DDRGK1: variants seen among roughly 807,000 people sequenced by gnomAD.
The protein encoded by DDRGK1 is DDRGK domain containing 1, also known as DDRGK domain-containing protein 1.
DDRGK1 carries 38 observed loss-of-function variants against 45.8 expected under a neutral mutation model. That is an observed-to-expected ratio of 0.83 (90% CI 0.64 to 1.09). DDRGK1 has a LOEUF of 1.09. DDRGK1 is among the 50% of genes least tolerant of loss of function. The pLI is 0.00. For synonymous variants in DDRGK1, 171 were observed against 168.7 expected, an observed-to-expected ratio of 1.01 and a Z score of -0.11; for missense variants, 403 against 419.9, an observed-to-expected ratio of 0.96 and a Z score of 0.35.
At chr20:3,201,215 C>T (rs1192622396) in intron 2 of DDRGK1, among the ~76,000 whole-genome samples, 3 of 147,964 alleles carry the variant, frequency 2.0e-5, no homozygotes, top group Non-Finnish European at 4.4e-5. Flanking sequence ...ACCCAGGAGG[C>T]GGAACTTGCA....
Position 3,204,499 on chromosome 20 carries a change from C to G in DDRGK1, c.91+38G>C, listed in dbSNP as rs558742654. 24 of 1,535,774 alleles carry G rather than the reference C, an allele frequency of 1.6e-5. No homozygotes were observed. In the African/African-American group the frequency reaches 3.0e-4, roughly 19 times the overall value. On this transcript the variant is annotated intron_variant, in intron 1 of 8. Transcript: ENST00000354488. ...CACAAAGGCTCAGAAGGCCAGAAAA[C>G]CCGGTACCACCAACCCTGGTGCAGC...
chr20:3,192,930 C>T (rs560019008), intron 6 of DDRGK1, among the ~76,000 whole-genome samples: 3 of 152,294 alleles, frequency 2.0e-5, no homozygotes, highest in South Asian at 2.1e-4. Context: ...GACAAAGTGA[C>T]GTGGTCAGCT....
At chr20:3,193,185 T>C (rs1342866142) in intron 6 of DDRGK1, among the ~76,000 whole-genome samples, 1 of 152,058 alleles carries the variant, frequency 6.6e-6, no homozygotes. Context: ...CAAGATCGAG[T>C]GAACCCTACA....
chr20:3,203,314 C>A lies in DDRGK1; in HGVS notation c.194G>T (p.Arg65Leu), dbSNP rs753161086. ...GCGGCTGCCCAGGTCCCTCCGGCGC[C>A]GAGGCCTGCCTCCAGCTCTCGGCTC... ...PEEPRAGGRPRRRRDLGSRLQ... is the reference protein window; with the variant it reads ...PEEPRAGGRPLRRRDLGSRLQ... Residue 65 changes from arginine (R) to leucine (L), a missense_variant, in exon 2 of 9, where the codon CGG becomes CTG. By Grantham distance (102) the Arg-to-Leu change is moderately radical (BLOSUM62 -2). Transcript: ENST00000354488. 2 of 1,608,218 alleles carry A rather than the reference C, an allele frequency of 1.2e-6. No homozygotes were observed. The highest frequency in any genetic ancestry group is 2.7e-5 in the African/African-American group (2 of 74,934).
intron 4 of DDRGK1, among the ~76,000 whole-genome samples, chr20:3,197,524 C>T (rs2067016748): frequency 6.6e-6 from 1 of 152,212 alleles, no homozygotes; most frequent in Admixed American, 6.5e-5. Context: ...GAAGATGGAA[C>T]TTCACTTATT....
At chr20:3,201,906 C>T (rs1241734452) in intron 2 of DDRGK1, among the ~76,000 whole-genome samples, 18 of 152,064 alleles carry the variant, frequency 1.2e-4, no homozygotes, top group Admixed American at 1.2e-3. Flanking sequence ...TCGTGATCCA[C>T]CCGCCTCGGC....
At chr20:3,191,264 A>C in intron 7 of DDRGK1, 26 bp from the exon 8 acceptor site, 1 of 1,613,318 alleles carries the variant, frequency 6.2e-7, no homozygotes, top group Non-Finnish European at 8.5e-7. Context: ...CTCTCAGAAT[A>C]GAGATAGGCA....
At chr20:3,199,642 T>C (rs2067027032) in intron 4 of DDRGK1, among the ~76,000 whole-genome samples, 1 of 152,154 alleles carries the variant, frequency 6.6e-6, no homozygotes, top group Non-Finnish European at 1.5e-5. Context: ...GTAAGAACCA[T>C]CTCTTACAAT....
Position 3,200,512 on chromosome 20 carries a change from G to C in DDRGK1, c.296-58C>G, listed in dbSNP as rs111486670. On this transcript the variant is annotated intron_variant, in intron 2 of 8. Coordinates refer to ENST00000354488, the MANE Select transcript of DDRGK1 (RefSeq NM_023935.3). ...CTGACCAGAGAGGACTGATGACGAT[G>C]GATCCCCAACCCCTCGTCCCTCCCC... 5,431 of 1,477,668 alleles carry C rather than the reference G, an allele frequency of 3.7e-3. 163 individuals carry two copies. In the African/African-American group the frequency reaches 0.067, roughly 18 times the overall value. 91.5% of individuals were successfully genotyped at this position (1,477,668 alleles called of 1,614,324 possible). A position where few individuals can be genotyped will look rare whatever the true frequency, so the allele number is the denominator to read the frequency against.
Position 3,190,814 on chromosome 20 carries a change from T to A in DDRGK1, c.784A>T (p.Ile262Phe). ...TAGATGAACTTGCCCCGGTCGTCAATCACACCTGTGGGGACATGCAGGTTG... is the reference window on the plus strand; with the variant it reads ...TAGATGAACTTGCCCCGGTCGTCAAACACACCTGTGGGGACATGCAGGTTG... ...LLAEGTITGVIDDRGKFIYIT... is the reference protein window; with the variant it reads ...LLAEGTITGVFDDRGKFIYIT... Residue 262 changes from isoleucine (I) to phenylalanine (F), a missense_variant, in exon 9 of 9, where the codon ATT becomes TTT. Transcript: ENST00000354488. 1 of 1,611,498 alleles carries A rather than the reference T, an allele frequency of 6.2e-7. No individual in the cohort carries two copies. The highest frequency in any genetic ancestry group is 8.5e-7 in the Non-Finnish European group (1 of 1,178,998).
At chr20:3,200,137 C>A (rs372218138) in intron 3 of DDRGK1, 35 bp from the exon 4 acceptor site, 3 of 1,602,028 alleles carry the variant, frequency 1.9e-6, no homozygotes, top group East Asian at 2.2e-5. Context: ...ACATCCCTCA[C>A]CCCCGGCTAG....
intron 4 of DDRGK1, among the ~76,000 whole-genome samples, chr20:3,196,504 T>C (rs13044439): frequency 0.26 from 33,474 of 131,166 alleles, 4,101 homozygotes; most frequent in Middle Eastern, 0.34. Context: ...GGTGAAACCC[T>C]GTCTCCACTA....
chr20:3,202,162 G>A (rs1457907955), intron 2 of DDRGK1, among the ~76,000 whole-genome samples: 1 of 150,526 alleles, frequency 6.6e-6, no homozygotes, highest in Non-Finnish European at 1.5e-5. Flanking sequence ...TGTATTGTTA[G>A]CCAGGATGGT....
intron 4 of DDRGK1, among the ~76,000 whole-genome samples, chr20:3,199,688 C>A (rs981949935): frequency 2.6e-5 from 4 of 152,166 alleles, no homozygotes; most frequent in African/African-American, 4.8e-5. Context: ...AGGATCCAGA[C>A]CCCCATCACC....
chr20:3,193,822 C>T (rs1050300473), intron 6 of DDRGK1, among the ~76,000 whole-genome samples: 17 of 152,306 alleles, frequency 1.1e-4, no homozygotes, highest in African/African-American at 4.1e-4. Context: ...ACCCCCTCCT[C>T]TAATTCCACC....
intron 6 of DDRGK1, among the ~76,000 whole-genome samples, chr20:3,194,329 T>G (rs2067000902): frequency 6.6e-6 from 1 of 152,210 alleles, no homozygotes; most frequent in Non-Finnish European, 1.5e-5. Flanking sequence ...TTATGCAACC[T>G]GGAGCAGCAT....
chr20:3,195,401 A>G, intron 4 of DDRGK1, 48 bp from the exon 5 acceptor site: 1 of 1,544,266 alleles, frequency 6.5e-7, no homozygotes, highest in Non-Finnish European at 8.7e-7. Context: ...AGAACAGGGC[A>G]GGCACCTGTT....
At chr20:3,195,119 C>A (rs115228433) in intron 5 of DDRGK1, 112 bp downstream of exon 5, 2 of 1,559,512 alleles carry the variant, frequency 1.3e-6, no homozygotes, top group South Asian at 1.2e-5. Context: ...TGATGCCCAC[C>A]CACCTCTCAC....
At chr20:3,200,830 G>C (rs762137181) in intron 2 of DDRGK1, among the ~76,000 whole-genome samples, 4 of 152,030 alleles carry the variant, frequency 2.6e-5, no homozygotes, top group Admixed American at 6.6e-5. Flanking sequence ...ACAAAAAAGG[G>C]CTGGGCACGG....
Sources: allele counts gnomAD v4.1 joint callset (sites outside exome capture counted in the v4.1 genomes callset), GRCh38; gene constraint gnomAD v4.1.1; transcripts MANE v1.5; gene names NCBI Gene and HGNC (gene_info 2026-07-23, HGNC 2026-07-21).